PPP3CA: variants seen among roughly 807,000 people sequenced by gnomAD.
PPP3CA encodes the protein protein phosphatase 3 catalytic subunit alpha.
A neutral mutation model predicts 66.5 loss-of-function variants in PPP3CA; 14 were observed. That is an observed-to-expected ratio of 0.21 (90% CI 0.14 to 0.33). The LOEUF is 0.33. PPP3CA is among the 10% of genes least tolerant of loss of function. The pLI, the probability that PPP3CA is intolerant of heterozygous loss-of-function variation, is 1.00. For missense variants in PPP3CA, 317 were observed against 639.5 expected (o/e 0.50, Z 5.44); for synonymous variants, 232 against 226.2 (o/e 1.03, Z -0.23).
intron 3 of PPP3CA, among the ~76,000 whole-genome samples, chr4:101,102,117 A>G (rs1730468949): frequency 1.3e-5 from 2 of 152,320 alleles, no homozygotes; most frequent in South Asian, 4.1e-4. Flanking sequence ...CACCTTTTAA[A>G]TGATGCAACA....
intron 1 of PPP3CA, among the ~76,000 whole-genome samples, chr4:101,300,689 C>A (rs143174278): frequency 6.6e-6 from 1 of 151,934 alleles, no homozygotes; most frequent in Non-Finnish European, 1.5e-5. Flanking sequence ...TTCAGCTGCT[C>A]GAGAAGCTGG....
At chr4:101,133,993 G>A (rs761207120) in intron 2 of PPP3CA, among the ~76,000 whole-genome samples, 1 of 152,144 alleles carries the variant, frequency 6.6e-6, no homozygotes, top group Non-Finnish European at 1.5e-5. Flanking sequence ...GAAGCAATGA[G>A]GGAAGGATTC....
chr4:101,085,569 C>T (rs1237781556), intron 6 of PPP3CA, among the ~76,000 whole-genome samples: 3 of 152,074 alleles, frequency 2.0e-5, no homozygotes, highest in African/African-American at 4.8e-5. Flanking sequence ...GGAGGGAATT[C>T]ATTTTGAAGA....
At chr4:101,063,427 A>T (rs1728555830) in intron 8 of PPP3CA, 70 bp from the exon 9 acceptor site, 1 of 1,498,746 alleles carries the variant, frequency 6.7e-7, no homozygotes, top group South Asian at 1.4e-5. Flanking sequence ...GCTTTAGCTC[A>T]TCAAGAAAAT....
chr4:101,300,906 A>G (rs976185873), intron 1 of PPP3CA, among the ~76,000 whole-genome samples: 22 of 152,214 alleles, frequency 1.4e-4, no homozygotes, highest in African/African-American at 5.3e-4. Flanking sequence ...TACAAAAAAA[A>G]TCACTGTTTC....
intron 1 of PPP3CA, among the ~76,000 whole-genome samples, chr4:101,314,677 T>C (rs1235738597): frequency 6.6e-6 from 1 of 151,794 alleles, no homozygotes; most frequent in Non-Finnish European, 1.5e-5. Context: ...CTCCATCTGA[T>C]CTTAAATAAT....
chr4:101,060,368 C>T (rs951034475), intron 10 of PPP3CA, among the ~76,000 whole-genome samples: 1 of 152,110 alleles, frequency 6.6e-6, no homozygotes, highest in African/African-American at 2.4e-5. Flanking sequence ...CCGGCCTCAA[C>T]TGTACTTCTT....
At chr4:101,196,739 G>A (rs1239332920) in intron 1 of PPP3CA, among the ~76,000 whole-genome samples, 1 of 152,212 alleles carries the variant, frequency 6.6e-6, no homozygotes, top group East Asian at 1.9e-4. Context: ...CAGGATGTCA[G>A]GGACGAGATA....
At chr4:101,343,478 T>C (rs1206044510) in intron 1 of PPP3CA, among the ~76,000 whole-genome samples, 2 of 152,152 alleles carry the variant, frequency 1.3e-5, no homozygotes, top group Non-Finnish European at 2.9e-5. Flanking sequence ...CTTCTATTTA[T>C]TGCCCTCGGT....
chr4:101,139,213 G>A (rs1722718447), intron 2 of PPP3CA, among the ~76,000 whole-genome samples: 1 of 151,970 alleles, frequency 6.6e-6, no homozygotes, highest in East Asian at 1.9e-4. Flanking sequence ...CAGGTGTGGT[G>A]GCAGGCACCT....
intron 2 of PPP3CA, among the ~76,000 whole-genome samples, chr4:101,118,514 C>T (rs893205742): frequency 2.0e-5 from 3 of 152,026 alleles, no homozygotes; most frequent in African/African-American, 7.2e-5. Context: ...TCTTCTTCTT[C>T]TTCACTCAGA....
chr4:101,038,374 CTTTTTTT>C (rs751990204), intron 11 of PPP3CA, among the ~76,000 whole-genome samples: 2 of 142,958 alleles, frequency 1.4e-5, no homozygotes, highest in African/African-American at 5.1e-5. Flanking sequence ...CTTTTTTTTT[CTTTTTTT>C]TTTTTTGAGA....
chr4:101,054,551 T>C (rs1578406854), intron 10 of PPP3CA, among the ~76,000 whole-genome samples: 1 of 150,926 alleles, frequency 6.6e-6, no homozygotes, highest in East Asian at 1.9e-4. Flanking sequence ...AATATATTCA[T>C]ACCCTTAGAA....
At chr4:101,163,246 C>T (rs1485566154) in intron 2 of PPP3CA, among the ~76,000 whole-genome samples, 1 of 152,128 alleles carries the variant, frequency 6.6e-6, no homozygotes, top group East Asian at 1.9e-4. Context: ...CAACAAGAAA[C>T]CTGAACTGAT....
At position 101,146,663 on chromosome 4, in the gene PPP3CA, G is replaced by C. The variant is rs187609087; in HGVS notation, c.260-37585C>G. ...TCACCATGTTGGTCAGGCTGGCCTC[G>C]AACTCCTGACCTCGTGATCTGCCCA... On this transcript the variant is annotated intron_variant, in intron 2 of 13. Coordinates refer to ENST00000394854, the MANE Select transcript of PPP3CA (RefSeq NM_000944.5). 2.0e-3 allele frequency among the ~76,000 whole-genome samples: 307 copies of C among 151,996 alleles called. 4 individuals carry two copies. Among genetic ancestry groups the C allele is most frequent in the African/African-American group, 7.1e-3 (293 of 41,454 alleles).
At chr4:101,033,293 AACACACACACACACACACACAC>A (rs70961772) in intron 11 of PPP3CA, among the ~76,000 whole-genome samples, 11 of 139,368 alleles carry the variant, frequency 7.9e-5, no homozygotes, top group African/African-American at 2.7e-4. Context: ...CACACACACA[AACACACACACACACACACACAC>A]ACACACACAC....
intron 3 of PPP3CA, among the ~76,000 whole-genome samples, chr4:101,101,853 T>G (rs969000774): frequency 1.3e-5 from 2 of 152,194 alleles, no homozygotes; most frequent in African/African-American, 4.8e-5. Flanking sequence ...CTGTAACAAT[T>G]TGTTTTAAGG....
chr4:101,248,002 G>C (rs1726544925), intron 1 of PPP3CA, among the ~76,000 whole-genome samples: 1 of 152,140 alleles, frequency 6.6e-6, no homozygotes, highest in Non-Finnish European at 1.5e-5. Context: ...TCCCAAGAGA[G>C]TAGGTGTTTA....
intron 2 of PPP3CA, among the ~76,000 whole-genome samples, chr4:101,112,499 A>G (rs1721706255): frequency 3.9e-5 from 6 of 152,196 alleles, no homozygotes; most frequent in Admixed American, 3.9e-4. Flanking sequence ...GAATAGCCAT[A>G]GGTCTGCTAT....
Sources: allele counts gnomAD v4.1 joint callset (sites outside exome capture counted in the v4.1 genomes callset), GRCh38; gene constraint gnomAD v4.1.1; transcripts MANE v1.5; gene names NCBI Gene and HGNC (gene_info 2026-07-23, HGNC 2026-07-21).